The following GRB10 variants were observed in gnomAD, a reference collection of about 807,000 sequenced individuals.
GRB10 encodes growth factor receptor bound protein 10.
GRB10 carries 20 observed loss-of-function variants against 80.9 expected under a neutral mutation model. That is an observed-to-expected ratio of 0.25 (90% CI 0.17 to 0.36). The LOEUF is 0.36. Among genes scored for constraint, GRB10 ranks in the 10% least tolerant of loss-of-function variants. The pLI is 1.00. For synonymous variants in GRB10, 291 were observed against 291.5 expected (o/e 1.00, Z 0.02); for missense variants, 548 against 747.7 (o/e 0.73, Z 3.12).
intron 7 of GRB10, among the ~76,000 whole-genome samples, chr7:50,666,958 T>A (rs1364266199): frequency 6.8e-6 from 1 of 146,902 alleles, no homozygotes; most frequent in Non-Finnish European, 1.5e-5. Context: ...GAGACTGGCG[T>A]GAACCCAGGA....
At chr7:50,681,100 C>T (rs1212829350) in intron 5 of GRB10, among the ~76,000 whole-genome samples, 1 of 152,216 alleles carries the variant, frequency 6.6e-6, no homozygotes, top group Non-Finnish European at 1.5e-5. Flanking sequence ...AGCACTACCC[C>T]GCCCTTTGAG....
chr7:50,624,570 T>C (rs1034110725), intron 8 of GRB10, among the ~76,000 whole-genome samples: 1 of 152,210 alleles, frequency 6.6e-6, no homozygotes, highest in African/African-American at 2.4e-5. Flanking sequence ...GTTATAGGGA[T>C]GGGGACACAG....
chr7:50,784,394 A>G (rs984536761), upstream of GRB10, among the ~76,000 whole-genome samples: 1 of 152,156 alleles, frequency 6.6e-6, no homozygotes, highest in Admixed American at 6.5e-5. Flanking sequence ...TCTGCAGTCA[A>G]CCCCACAAAG....
chr7:50,739,698 G>T (rs960445638), intron 3 of GRB10, among the ~76,000 whole-genome samples: 1 of 152,212 alleles, frequency 6.6e-6, no homozygotes, highest in Non-Finnish European at 1.5e-5. Flanking sequence ...ATAGGGCAGG[G>T]CTGTGTTTGG....
intron 7 of GRB10, among the ~76,000 whole-genome samples, chr7:50,648,760 A>C (rs543743796): frequency 1.3e-5 from 2 of 152,338 alleles, no homozygotes; most frequent in Admixed American, 1.3e-4. Flanking sequence ...TCACTGAGAC[A>C]TAACAATGGA....
intron 3 of GRB10, among the ~76,000 whole-genome samples, chr7:50,742,415 T>C (rs190152435): frequency 6.6e-6 from 1 of 152,250 alleles, no homozygotes; most frequent in African/African-American, 2.4e-5. Flanking sequence ...CGAAGCTCAG[T>C]GCAGGAGTCC....
intron 6 of GRB10, among the ~76,000 whole-genome samples, chr7:50,670,371 TTAA>T (rs2060234161): frequency 1.3e-5 from 2 of 152,128 alleles, no homozygotes; most frequent in Admixed American, 6.5e-5. Flanking sequence ...TGAGTGTGCA[TTAA>T]TACTACCGAA....
rs2045824781 is a variant in GRB10, at chr7:50,591,348, G to C, written c.*1604C>G. On this transcript the variant is annotated 3_prime_UTR_variant, in exon 19 of 19. Transcript: ENST00000401949. Reference sequence around the variant, plus strand: ...TGTGACACTGCTCTAGGCTACGGGGGTTGACTGAGGAGCAGAGAAATGCTG... The same window carrying C: ...TGTGACACTGCTCTAGGCTACGGGGCTTGACTGAGGAGCAGAGAAATGCTG... 1 of 152,284 alleles carries C rather than the reference G, an allele frequency of 6.6e-6. No individual in the cohort carries two copies. The allele number at this position is 152,284 out of a possible 1,614,324, so 9.4% of individuals were successfully genotyped here.
chr7:50,617,284 C>T (rs746851373), intron 10 of GRB10, among the ~76,000 whole-genome samples: 2 of 152,118 alleles, frequency 1.3e-5, no homozygotes, highest in Non-Finnish European at 2.9e-5. Context: ...GTGATAACAA[C>T]GTAGAAAAAG....
chr7:50,696,602 C>T lies in GRB10; in HGVS notation c.139+7219G>A, dbSNP rs1251474189. On this transcript the variant is annotated intron_variant, in intron 5 of 18. Transcript: ENST00000401949. ...ACAGACTTCAACATCTCTTTTTCAA[C>T]CCTTTGGGCATCTTTACTCAATTGG... Among the ~76,000 whole-genome samples, 6 of 152,188 alleles carry T rather than the reference C, an allele frequency of 3.9e-5. No individual in the cohort carries two copies. The East Asian group carries it at 9.6e-4, about 24-fold the overall frequency.
intron 2 of GRB10, among the ~76,000 whole-genome samples, chr7:50,757,692 A>C (rs1042670909): frequency 2.6e-5 from 4 of 152,250 alleles, no homozygotes; most frequent in Non-Finnish European, 5.9e-5. Context: ...AAAAGGGTGC[A>C]TGGGCAAACA....
chr7:50,773,362 G>C (rs1460734570), intron 2 of GRB10, among the ~76,000 whole-genome samples: 1 of 147,518 alleles, frequency 6.8e-6, no homozygotes, highest in Admixed American at 6.8e-5. Flanking sequence ...AGAAAGGCAA[G>C]GGAAGAGGAA....
rs2153668359 is a variant in GRB10 at position 50,703,899 on chromosome 7, C to T, written c.61G>A (p.Glu21Lys). Reference sequence around the variant, plus strand: ...TCTTGTTGACTGCGAGGTGTCTGCTCCACCTTGTCCTAAAAAAACAGGACC... The same window carrying T: ...TCTTGTTGACTGCGAGGTGTCTGCTTCACCTTGTCCTAAAAAAACAGGACC... ...LHHPYYQDKVEQTPRSQQDPA... is the reference protein window; with the variant it reads ...LHHPYYQDKVKQTPRSQQDPA... The change falls in exon 5 of 19, where the codon GAG (glutamate) becomes AAG (lysine). Residue 21 changes from glutamate to lysine, a missense_variant. Coordinates refer to ENST00000401949, the MANE Select transcript of GRB10 (RefSeq NM_001350814.2). 1 of 1,612,742 alleles carries T rather than the reference C, an allele frequency of 6.2e-7. No homozygotes were observed. The highest frequency in any genetic ancestry group is 8.5e-7 in the Non-Finnish European group (1 of 1,179,058).
At chr7:50,778,006 T>C (rs10248029) in intron 2 of GRB10, among the ~76,000 whole-genome samples, 94,448 of 151,530 alleles carry the variant, frequency 0.62, 32,292 homozygotes, top group Middle Eastern at 0.87. Flanking sequence ...TTGATAGATG[T>C]AGCAAACCAC....
At chr7:50,746,007 A>G (rs1024530) in intron 3 of GRB10, among the ~76,000 whole-genome samples, 1 of 152,108 alleles carries the variant, frequency 6.6e-6, no homozygotes, top group African/African-American at 2.4e-5. Context: ...ATTAGGCCCC[A>G]GAGTCCAGTA....
intron 6 of GRB10, among the ~76,000 whole-genome samples, chr7:50,673,795 G>A (rs1179702262): frequency 1.3e-5 from 2 of 152,154 alleles, no homozygotes; most frequent in African/African-American, 4.8e-5. Context: ...CACACAAAGT[G>A]CTTCAGCACC....
At chr7:50,700,618 C>T (rs17133973) in intron 5 of GRB10, among the ~76,000 whole-genome samples, 1,725 of 152,132 alleles carry the variant, frequency 0.011, 29 homozygotes, top group African/African-American at 0.038. Context: ...TTAGCCTTAC[C>T]ACCTTTGCAG....
At chr7:50,748,826 A>C (rs1450195800) in intron 3 of GRB10, among the ~76,000 whole-genome samples, 3 of 152,254 alleles carry the variant, frequency 2.0e-5, no homozygotes, top group Non-Finnish European at 1.5e-5. Flanking sequence ...TTTCATGGAG[A>C]GAGTGAGACC....
intron 5 of GRB10, among the ~76,000 whole-genome samples, chr7:50,692,289 TACAC>T (rs10658980): frequency 0.013 from 1,925 of 150,610 alleles, 42 homozygotes; most frequent in African/African-American, 0.044. Flanking sequence ...GACAACTGTG[TACAC>T]ACACACACAC....
Sources: allele counts gnomAD v4.1 joint callset (sites outside exome capture counted in the v4.1 genomes callset), GRCh38; gene constraint gnomAD v4.1.1; transcripts MANE v1.5; gene names NCBI Gene and HGNC (gene_info 2026-07-23, HGNC 2026-07-21).